Variants in FAT1 observed in about 807,000 individuals in gnomAD.
FAT1 encodes FAT atypical cadherin 1, also known as protocadherin Fat 1.
Under a neutral mutation model 329.8 loss-of-function variants are expected in FAT1, and 171 were observed. The ratio of observed to expected loss-of-function variants is 0.52; its 90% CI spans 0.46 to 0.59. The LOEUF is 0.59. Ranked by LOEUF, FAT1 falls within the 20% of genes least tolerant of loss-of-function variation. The probability of loss-of-function intolerance (pLI) is 0.00; values close to 1 mark genes in which losing one functional copy is unlikely to be tolerated. For synonymous variants in FAT1, 2,233 were observed against 2,228.6 expected (o/e 1.00, Z -0.06); for missense variants, 5,672 against 5,774.4 (o/e 0.98, Z 0.57).
intron 10 of FAT1, among the ~76,000 whole-genome samples, chr4:186,617,467 A>G (rs916861034): frequency 6.6e-6 from 1 of 152,238 alleles, no homozygotes; most frequent in African/African-American, 2.4e-5. Flanking sequence ...TACACTAAGT[A>G]TAAGGTTCAA....
intron 2 of FAT1, among the ~76,000 whole-genome samples, chr4:186,700,245 C>T (rs1415757964): frequency 6.6e-6 from 1 of 152,190 alleles, no homozygotes; most frequent in Non-Finnish European, 1.5e-5. Context: ...ACAAGAAAAG[C>T]CTTCCAACAA....
intron 3 of FAT1, among the ~76,000 whole-genome samples, chr4:186,657,856 A>T (rs1166238087): frequency 6.6e-6 from 1 of 152,236 alleles, no homozygotes; most frequent in Non-Finnish European, 1.5e-5. Context: ...ACTTTAACTA[A>T]AAAGACTCTT....
rs748781474 is a variant in FAT1 at position 186,599,915 on chromosome 4, T to C, written c.12086A>G (p.Asn4029Ser). ...SNPCQNGGVCNPSPAGGYYCK... is the reference protein window; with the variant it reads ...SNPCQNGGVCSPSPAGGYYCK... ...GAGCCCACCTCCAGCAGGTGACGGA[T>C]TGCAAACGCCTCCATTCTGGCAAGG... is the stretch of plus-strand genomic sequence containing the variant. The change falls in exon 22 of 27, where the codon AAT becomes AGT. Residue 4029 changes from asparagine to serine, a missense_variant. Asn to Ser is a conservative substitution (Grantham distance 46). Transcript: ENST00000441802. 6.2e-6 allele frequency: 10 copies of C among 1,610,970 alleles called. 1 individual carries two copies. In the South Asian group the frequency reaches 7.7e-5, roughly 12 times the overall value.
rs1740698208 is a variant in FAT1 at position 186,633,752 on chromosome 4, C to T, written c.4255G>A (p.Ala1419Thr). 1 of 1,613,974 alleles carries T rather than the reference C, an allele frequency of 6.2e-7. No individual in the cohort carries two copies. Among genetic ancestry groups the T allele is most frequent in the Non-Finnish European group, 8.5e-7 (1 of 1,179,880 alleles). Residue 1419 changes from alanine to threonine, a missense_variant, in exon 7 of 27, where the codon GCA becomes ACA. By Grantham distance (58) the Ala-to-Thr change is moderately conservative. This residue lies in a region of FAT1 where 3,966 missense variants were observed against 3,915.2 expected (regional missense o/e 1.01). Transcript: ENST00000441802. The stretch of plus-strand genomic sequence containing the variant: ...AGGTTGTAGTTTGACTTCTGTTCTG[C>T]ATCAAGAGGTTTGGCAACAATGATG... Reference protein sequence around the residue: ...GTIIVAKPLDAEQKSNYNLTV... With the variant: ...GTIIVAKPLDTEQKSNYNLTV...
chr4:186,665,331 T>C (rs2126622305), intron 2 of FAT1, among the ~76,000 whole-genome samples: 1 of 152,324 alleles, frequency 6.6e-6, no homozygotes, highest in South Asian at 2.1e-4. Context: ...AGTGTTCCTA[T>C]TTCTCCACAT....
intron 7 of FAT1, 136 bp from the exon 8 acceptor site, chr4:186,628,899 C>T: frequency 1.3e-6 from 1 of 794,864 alleles, no homozygotes; most frequent in Non-Finnish European, 1.9e-6. Flanking sequence ...CAACAAAAAC[C>T]TAGAATCATA....
At chr4:186,677,844 G>A (rs1743026625) in intron 2 of FAT1, among the ~76,000 whole-genome samples, 1 of 152,130 alleles carries the variant, frequency 6.6e-6, no homozygotes. Flanking sequence ...GACAAATCTT[G>A]CTGGAGACAT....
At position 186,712,076 on chromosome 4, in the gene FAT1, T is replaced by G. The variant is rs374031505; in HGVS notation, c.-18-2231A>C. 6.7e-4 allele frequency among the ~76,000 whole-genome samples: 102 copies of G among 152,382 alleles called. 1 individual carries two copies. The South Asian group carries it at 0.02, about 30-fold the overall frequency. On this transcript the variant is annotated intron_variant, in intron 1 of 26. Transcript: ENST00000441802. ...ATTCTATTGCAAGTACTAGAAGTAT[T>G]TTTGCTTAATTCTACGTATAAAGTT...
rs766819444 is a variant in FAT1, at chr4:186,595,712, T to G, written c.13115A>C (p.Gln4372Pro). The change falls in exon 26 of 27, where the codon CAG becomes CCG. Residue 4372 changes from glutamine to proline, a missense_variant. Physicochemically the swap from Gln to Pro is moderately conservative, Grantham distance 76. Coordinates refer to ENST00000441802, the MANE Select transcript of FAT1 (RefSeq NM_005245.4). Reference protein sequence around the residue: ...LSEVQSLSSFQSESCDDNGYH... With the variant: ...LSEVQSLSSFPSESCDDNGYH... Reference sequence around the variant, plus strand: ...ACCATTGTCATCGCACGATTCGGACTGGAAGGAGCTCAGAGACTGCACTTC... The same window carrying G: ...ACCATTGTCATCGCACGATTCGGACGGGAAGGAGCTCAGAGACTGCACTTC... 6.2e-7 allele frequency: 1 copy of G among 1,614,034 alleles called. No individual in the cohort carries two copies. Among genetic ancestry groups the G allele is most frequent in the Admixed American group, 1.7e-5 (1 of 60,026 alleles).
chr4:186,721,917 C>T (rs1035742802), intron 1 of FAT1, among the ~76,000 whole-genome samples: 9 of 152,224 alleles, frequency 5.9e-5, no homozygotes, highest in Non-Finnish European at 2.9e-5. Flanking sequence ...CGGCTTACCA[C>T]AACCTCCGCC....
intron 16 of FAT1, among the ~76,000 whole-genome samples, chr4:186,607,335 GTGAATGGATGGA>G (rs1455490267): frequency 6.6e-6 from 1 of 152,164 alleles, no homozygotes; most frequent in African/African-American, 2.4e-5. Context: ...GCACAGATGA[GTGAATGGATGGA>G]TGAATGGATG....
intron 3 of FAT1, among the ~76,000 whole-genome samples, chr4:186,648,484 G>A (rs905011480): frequency 6.6e-6 from 1 of 152,122 alleles, no homozygotes; most frequent in Non-Finnish European, 1.5e-5. Flanking sequence ...ATGTTTTTGA[G>A]TTGCAGCAAA....
chr4:186,655,522 C>T (rs1048223253), intron 3 of FAT1, among the ~76,000 whole-genome samples: 1 of 151,738 alleles, frequency 6.6e-6, no homozygotes, highest in Non-Finnish European at 1.5e-5. Flanking sequence ...GCAACCTCTG[C>T]CTCCTGGGTT....
At chr4:186,714,224 A>T (rs113849671) in intron 1 of FAT1, among the ~76,000 whole-genome samples, 1 of 151,444 alleles carries the variant, frequency 6.6e-6, no homozygotes, top group Non-Finnish European at 1.5e-5. Flanking sequence ...CTGGGGCACA[A>T]CGGGGGTGGG....
At chr4:186,659,294 G>C (rs1362729466) in intron 3 of FAT1, among the ~76,000 whole-genome samples, 1 of 152,152 alleles carries the variant, frequency 6.6e-6, no homozygotes, top group African/African-American at 2.4e-5. Flanking sequence ...TTCTCAAAAT[G>C]CATCCCTGGC....
At chr4:186,628,987 A>G (rs149507336) in intron 7 of FAT1, among the ~76,000 whole-genome samples, 2 of 152,330 alleles carry the variant, frequency 1.3e-5, no homozygotes, top group African/African-American at 2.4e-5. Context: ...CTGCATTCTT[A>G]TAACTAACTC....
chr4:186,631,765 T>C (rs921092342), intron 7 of FAT1, among the ~76,000 whole-genome samples: 1 of 151,990 alleles, frequency 6.6e-6, no homozygotes, highest in Non-Finnish European at 1.5e-5. Flanking sequence ...CCCCACAGTA[T>C]CCTAGTGTCT....
intron 3 of FAT1, among the ~76,000 whole-genome samples, chr4:186,641,630 G>C (rs773693228): frequency 3.9e-5 from 6 of 152,162 alleles, no homozygotes; most frequent in Admixed American, 1.3e-4. Flanking sequence ...ATACTTATGA[G>C]CAAATACAAC....
intron 17 of FAT1, 138 bp from the exon 18 acceptor site, chr4:186,604,712 A>G (rs745976058): frequency 1.7e-4 from 94 of 566,488 alleles, no homozygotes; most frequent in Non-Finnish European, 2.3e-4. Context: ...GGAAGAGAAG[A>G]AAGGTGGAGA....
Sources: allele counts gnomAD v4.1 joint callset (sites outside exome capture counted in the v4.1 genomes callset), GRCh38; gene constraint gnomAD v4.1.1; regional missense constraint gnomAD v4.1.1; transcripts MANE v1.5; gene names NCBI Gene and HGNC (gene_info 2026-07-23, HGNC 2026-07-21).